DACH2: variants seen among roughly 807,000 people sequenced by gnomAD.
DACH2 encodes dachshund family transcription factor 2.
DACH2 carries 17 observed loss-of-function variants against 35.8 expected under a neutral mutation model. That is an observed-to-expected ratio of 0.48 (90% CI 0.33 to 0.71). The LOEUF (loss-of-function observed/expected upper bound fraction) is 0.71. DACH2 is among the 30% of genes least tolerant of loss of function. The probability of loss-of-function intolerance (pLI) is 0.02; values close to 1 mark genes in which losing one functional copy is unlikely to be tolerated. For synonymous variants in DACH2, 195 were observed against 177.3 expected (o/e 1.10, Z -0.79); for missense variants, 469 against 472.7 (o/e 0.99, Z 0.07).
At chrX:86,396,445 A>G (rs2036295020) in intron 2 of DACH2, among the ~76,000 whole-genome samples, 1 of 97,000 alleles carries the variant, frequency 1.0e-5, no homozygotes, top group African/African-American at 3.9e-5. Flanking sequence ...TTGGTGTTTT[A>G]GACATGAAGT....
intron 2 of DACH2, among the ~76,000 whole-genome samples, chrX:86,378,630 A>G (rs1337734165): frequency 1.8e-5 from 2 of 111,382 alleles, no homozygotes; most frequent in South Asian, 3.7e-4. Context: ...AAAACAAAAC[A>G]AAAAAAGCAA....
rs183319015 is a variant in DACH2 at position 86,687,102 on chromosome X, A to C, written c.773-7919A>C. On this transcript the variant is annotated intron_variant, in intron 4 of 11. Transcript: ENST00000373125. ...ATTATTAAGTCTACTTTGAAGCATC[A>C]GTTCCTTTTAAATCCAGAAATAAAT... Among the ~76,000 whole-genome samples the C allele has an allele frequency of 5.5e-3, 617 of 112,374 alleles. 5 individuals carry two copies. The highest frequency in any genetic ancestry group is 0.019 in the African/African-American group (587 of 31,007).
At chrX:86,546,357 CTCTTCTTCTTCTTCTTCTTCTTCTTCT>C (rs1195943792) in intron 3 of DACH2, among the ~76,000 whole-genome samples, 13 of 50,068 alleles carry the variant, frequency 2.6e-4, no homozygotes, top group Non-Finnish European at 3.3e-4. Flanking sequence ...CTTCTTCTTC[CTCTTCTTCTTCTTCTTCTTCTTCTTCT>C]TCTTCTTCTT....
chrX:86,670,248 C>T (rs1355028879), intron 4 of DACH2, among the ~76,000 whole-genome samples: 1 of 110,452 alleles, frequency 9.1e-6, no homozygotes, highest in Non-Finnish European at 1.9e-5. Context: ...AGTTTCCGGC[C>T]GAGACTAGGC....
chrX:86,208,928 G>A (rs970334091), intron 1 of DACH2, among the ~76,000 whole-genome samples: 2 of 111,310 alleles, frequency 1.8e-5, no homozygotes, highest in African/African-American at 3.3e-5. Context: ...GTGCAGGAAC[G>A]CAGAATGCTG....
At position 86,415,976 on chromosome X, in the gene DACH2, A is replaced by C. The variant is rs192667080; in HGVS notation, c.527+39114A>C. On this transcript the variant is annotated intron_variant, in intron 2 of 11. Transcript: ENST00000373125. ...TTTATTATCTTTTTGTTCTCAAGAC[A>C]TCAAAGCTCCTTCTGATAAGATTTC... 2.8e-4 allele frequency among the ~76,000 whole-genome samples: 31 copies of C among 112,223 alleles called. No individual in the cohort carries two copies. The East Asian group carries it at 3.4e-3, about 12-fold the overall frequency.
At chrX:86,821,091 A>C (rs1218733569) in intron 11 of DACH2, among the ~76,000 whole-genome samples, 1 of 111,076 alleles carries the variant, frequency 9.0e-6, no homozygotes, top group Non-Finnish European at 1.9e-5. Flanking sequence ...AGACTTTTCT[A>C]ATTTCCTCCA....
intron 2 of DACH2, among the ~76,000 whole-genome samples, chrX:86,434,498 C>T (rs987382276): frequency 9.0e-6 from 1 of 111,693 alleles, no homozygotes; most frequent in Non-Finnish European, 1.9e-5. Context: ...ATGGTATATT[C>T]ACTTATTTTT....
intron 7 of DACH2, among the ~76,000 whole-genome samples, chrX:86,770,654 C>T (rs1652420207): frequency 8.9e-6 from 1 of 111,828 alleles, no homozygotes; most frequent in South Asian, 3.7e-4. Context: ...ATTTACATTC[C>T]TTATTTTTCC....
At chrX:86,689,519 G>A (rs763173342) in intron 4 of DACH2, among the ~76,000 whole-genome samples, 1 of 111,806 alleles carries the variant, frequency 8.9e-6, no homozygotes, top group African/African-American at 3.2e-5. Flanking sequence ...TTCATGCTGT[G>A]TAGATTCATC....
chrX:86,466,769 C>A (rs1030527522), intron 2 of DACH2, among the ~76,000 whole-genome samples: 8 of 111,536 alleles, frequency 7.2e-5, no homozygotes, highest in Admixed American at 4.8e-4. Context: ...CTTCTGTGCA[C>A]TCATAGGCTC....
intron 7 of DACH2, among the ~76,000 whole-genome samples, chrX:86,790,950 C>T (rs2042181462): frequency 9.0e-6 from 1 of 111,539 alleles, no homozygotes; most frequent in African/African-American, 3.3e-5. Context: ...TCGTATGTTA[C>T]ATGTATTATA....
rs1027345019 is a variant in DACH2 at position 86,153,274 on chromosome X, T to C, written c.488+4166T>C. Reference sequence around the variant, plus strand: ...TCAGTTTTTAAAGTAAAATTTCCAATTGTGGTTTCTTGTTATTTTGATAGT... The same window carrying C: ...TCAGTTTTTAAAGTAAAATTTCCAACTGTGGTTTCTTGTTATTTTGATAGT... On this transcript the variant is annotated intron_variant, in intron 1 of 11. Transcript: ENST00000373125. Among the ~76,000 whole-genome samples the C allele has an allele frequency of 9.9e-5, 11 of 111,591 alleles. 1 individual carries two copies. In the Admixed American group the frequency reaches 1.0e-3, roughly 11 times the overall value.
chrX:86,788,672 T>C, intron 7 of DACH2, among the ~76,000 whole-genome samples: 1 of 111,709 alleles, frequency 9.0e-6, no homozygotes, highest in Non-Finnish European at 1.9e-5. Flanking sequence ...TGAATGGAGA[T>C]TTTTCTCACA....
At chrX:86,461,797 C>T (rs191338126) in intron 2 of DACH2, among the ~76,000 whole-genome samples, 288 of 111,587 alleles carry the variant, frequency 2.6e-3, no homozygotes, top group African/African-American at 8.8e-3. Flanking sequence ...TTATTCTTTG[C>T]TTTCTGATAT....
intron 7 of DACH2, among the ~76,000 whole-genome samples, chrX:86,794,066 T>C (rs924016596): frequency 8.9e-6 from 1 of 111,871 alleles, no homozygotes; most frequent in Non-Finnish European, 1.9e-5. Flanking sequence ...AGCCATTGCC[T>C]GTATAAGGCT....
chrX:86,396,126 C>A (rs780983814), intron 2 of DACH2, among the ~76,000 whole-genome samples: 6 of 112,258 alleles, frequency 5.3e-5, no homozygotes, highest in East Asian at 2.8e-4. Context: ...ATTTGCATTT[C>A]TCCGATGGCC....
chrX:86,335,088 C>T (rs775186084), intron 1 of DACH2, among the ~76,000 whole-genome samples: 92 of 110,914 alleles, frequency 8.3e-4, no homozygotes, highest in Non-Finnish European at 1.3e-3. Context: ...GCACTATTTC[C>T]GAGGCCTCTG....
intron 1 of DACH2, among the ~76,000 whole-genome samples, chrX:86,273,812 G>T (rs2033857990): frequency 8.9e-6 from 1 of 111,840 alleles, no homozygotes; most frequent in African/African-American, 3.2e-5. Context: ...TTATCATTCT[G>T]GTCTAGTGGG....
Sources: allele counts gnomAD v4.1 joint callset (sites outside exome capture counted in the v4.1 genomes callset), GRCh38; gene constraint gnomAD v4.1.1; transcripts MANE v1.5; gene names NCBI Gene and HGNC (gene_info 2026-07-23, HGNC 2026-07-21).